The following MPPED2 variants were observed in gnomAD, a reference collection of about 807,000 sequenced individuals.
MPPED2 encodes the protein metallophosphoesterase MPPED2.
A neutral mutation model predicts 33.0 loss-of-function variants in MPPED2; 5 were observed. The observed-to-expected ratio is 0.15, with a 90% CI of 0.08 to 0.32. The LOEUF (loss-of-function observed/expected upper bound fraction) is 0.32. Among genes scored for constraint, MPPED2 ranks in the 10% least tolerant of loss-of-function variants. The pLI is 1.00. For missense variants in MPPED2, 275 were observed against 372.1 expected, an observed-to-expected ratio of 0.74 and a Z score of 2.15; for synonymous variants, 136 against 141.9, an observed-to-expected ratio of 0.96 and a Z score of 0.29.
chr11:30,488,460 G>T (rs934914212), intron 4 of MPPED2, among the ~76,000 whole-genome samples: 29 of 152,226 alleles, frequency 1.9e-4, no homozygotes, highest in African/African-American at 6.3e-4. Flanking sequence ...TCAGATAAAG[G>T]CACCCGGCAG....
At chr11:30,426,212 T>C (rs1438301249) in intron 4 of MPPED2, among the ~76,000 whole-genome samples, 1 of 152,222 alleles carries the variant, frequency 6.6e-6, no homozygotes, top group Non-Finnish European at 1.5e-5. Context: ...TTTGTCTCTA[T>C]GAATTCAACG....
At chr11:30,387,405 C>T (rs72638181) in exon 7 of MPPED2, 16,009 of 152,170 alleles carry the variant, frequency 0.11, 1,081 homozygotes, top group East Asian at 0.18. Context: ...GCATGCTTAT[C>T]AGTACTTATT....
intron 4 of MPPED2, among the ~76,000 whole-genome samples, chr11:30,490,179 T>C (rs1045561782): frequency 3.3e-5 from 5 of 152,044 alleles, no homozygotes; most frequent in African/African-American, 1.2e-4. Flanking sequence ...GAGCTGAGAG[T>C]GAGTCACAAA....
intron 3 of MPPED2, among the ~76,000 whole-genome samples, chr11:30,503,630 C>A (rs1362262823): frequency 6.6e-6 from 1 of 152,130 alleles, no homozygotes; most frequent in Non-Finnish European, 1.5e-5. Flanking sequence ...AAGAGAGCCT[C>A]CAAAAGCAAA....
chr11:30,422,138 G>A (rs1425730817), intron 4 of MPPED2, among the ~76,000 whole-genome samples: 1 of 152,346 alleles, frequency 6.6e-6, no homozygotes, highest in South Asian at 2.1e-4. Context: ...CAATGAATGA[G>A]AGTGGACTCA....
chr11:30,580,763 G>A (rs2045528), intron 1 of MPPED2, among the ~76,000 whole-genome samples: 54,865 of 151,966 alleles, frequency 0.36, 10,251 homozygotes, highest in South Asian at 0.51. Flanking sequence ...GGCACTTAGC[G>A]TGAATTACGG....
At chr11:30,429,525 G>C (rs1487637300) in intron 4 of MPPED2, among the ~76,000 whole-genome samples, 2 of 152,272 alleles carry the variant, frequency 1.3e-5, no homozygotes, top group Admixed American at 6.5e-5. Flanking sequence ...TCAATTCAGA[G>C]GTTAAAGCAA....
At chr11:30,537,555 G>C (rs1954879583) in intron 2 of MPPED2, among the ~76,000 whole-genome samples, 1 of 152,126 alleles carries the variant, frequency 6.6e-6, no homozygotes, top group Non-Finnish European at 1.5e-5. Flanking sequence ...GAGGGAAATA[G>C]AAGAGATCAG....
chr11:30,466,467 C>T (rs1336891712), intron 4 of MPPED2, among the ~76,000 whole-genome samples: 2 of 152,198 alleles, frequency 1.3e-5, no homozygotes, highest in African/African-American at 2.4e-5. Flanking sequence ...ACCCTGACAT[C>T]CGGTCCAATG....
At chr11:30,421,386 C>T (rs951881361) in intron 4 of MPPED2, among the ~76,000 whole-genome samples, 2 of 152,030 alleles carry the variant, frequency 1.3e-5, no homozygotes, top group African/African-American at 4.8e-5. Flanking sequence ...CCAGAAGTTT[C>T]CAAGTTAAGG....
intron 6 of MPPED2, among the ~76,000 whole-genome samples, chr11:30,395,942 T>A (rs148655577): frequency 3.6e-4 from 55 of 152,296 alleles, no homozygotes; most frequent in Non-Finnish European, 6.3e-4. Context: ...TAACCGCAGA[T>A]AATCGTCATA....
intron 3 of MPPED2, among the ~76,000 whole-genome samples, chr11:30,526,069 T>C (rs1954157054): frequency 6.6e-6 from 1 of 152,214 alleles, no homozygotes; most frequent in African/African-American, 2.4e-5. Flanking sequence ...TTTGTCCTTA[T>C]TGGAAAGATG....
At chr11:30,507,679 T>C (rs1228560240) in intron 3 of MPPED2, among the ~76,000 whole-genome samples, 1 of 152,176 alleles carries the variant, frequency 6.6e-6, no homozygotes, top group Admixed American at 6.5e-5. Context: ...CAACATTTAC[T>C]ACTATAAGAG....
chr11:30,478,137 A>G (rs1293619447), intron 4 of MPPED2, among the ~76,000 whole-genome samples: 1 of 152,014 alleles, frequency 6.6e-6, no homozygotes, highest in Non-Finnish European at 1.5e-5. Context: ...TGCTTCCTCT[A>G]AGTTTCAACT....
At chr11:30,482,003 T>A (rs947338333) in intron 4 of MPPED2, among the ~76,000 whole-genome samples, 2 of 152,190 alleles carry the variant, frequency 1.3e-5, no homozygotes, top group South Asian at 4.2e-4. Flanking sequence ...ACCCGGATCA[T>A]ATACGTGATG....
At chr11:30,527,364 T>C (rs1350183642) in intron 3 of MPPED2, among the ~76,000 whole-genome samples, 1 of 141,104 alleles carries the variant, frequency 7.1e-6, no homozygotes, top group Non-Finnish European at 1.6e-5. Flanking sequence ...TGTGAAAGAG[T>C]TGTTTTTTTT....
chr11:30,399,990 A>G (rs573674961), intron 6 of MPPED2, among the ~76,000 whole-genome samples: 1 of 152,326 alleles, frequency 6.6e-6, no homozygotes, highest in African/African-American at 2.4e-5. Flanking sequence ...AGAGATAAGT[A>G]TTTGTGGAGA....
intron 2 of MPPED2, among the ~76,000 whole-genome samples, chr11:30,578,180 C>G (rs1168034929): frequency 6.6e-6 from 1 of 152,084 alleles, no homozygotes; most frequent in Non-Finnish European, 1.5e-5. Flanking sequence ...ATTTGATGAG[C>G]AGAGCGTAAA....
chr11:30,427,972 T>C (rs1220488396), intron 4 of MPPED2, among the ~76,000 whole-genome samples: 1 of 152,232 alleles, frequency 6.6e-6, no homozygotes, highest in Admixed American at 6.5e-5. Context: ...ACTCTACTTT[T>C]TCTAAGGTGG....
Sources: gnomAD v4.1 joint callset for allele counts (sites outside exome capture counted in the v4.1 genomes callset) on GRCh38, gnomAD v4.1.1 for gene constraint, MANE v1.5 for transcripts, NCBI Gene and HGNC (gene_info 2026-07-23, HGNC 2026-07-21) for gene names.